CACNA2D2: variants seen among roughly 807,000 people sequenced by gnomAD.
CACNA2D2 encodes voltage-dependent calcium channel subunit alpha-2/delta-2.
Under a neutral mutation model 166.4 loss-of-function variants are expected in CACNA2D2, and 48 were observed. The ratio of observed to expected loss-of-function variants is 0.29; its 90% CI spans 0.23 to 0.37. The LOEUF (loss-of-function observed/expected upper bound fraction) is 0.37. Ranked by LOEUF, CACNA2D2 falls within the 10% of genes least tolerant of loss-of-function variation. CACNA2D2 has a pLI of 1.00. For missense variants in CACNA2D2, 1,122 were observed against 1,433.0 expected (o/e 0.78, Z 3.50); for synonymous variants, 561 against 573.7 (o/e 0.98, Z 0.32).
chr3:50,491,961 T>C (rs904411857), intron 1 of CACNA2D2, among the ~76,000 whole-genome samples: 8 of 152,132 alleles, frequency 5.3e-5, no homozygotes, highest in African/African-American at 1.9e-4. Flanking sequence ...CAGAGAGTAA[T>C]GGGAAGGGCT....
At chr3:50,498,289 CG>C in intron 1 of CACNA2D2, among the ~76,000 whole-genome samples, 1 of 152,218 alleles carries the variant, frequency 6.6e-6, no homozygotes, top group Middle Eastern at 3.4e-3. Flanking sequence ...CCCACCCATC[CG>C]GATGGCATGA....
intron 2 of CACNA2D2, among the ~76,000 whole-genome samples, chr3:50,454,005 C>T (rs972791494): frequency 1.3e-5 from 2 of 152,182 alleles, no homozygotes; most frequent in African/African-American, 2.4e-5. Context: ...CCTCCACACC[C>T]GGGTTCCGGT....
intron 3 of CACNA2D2, among the ~76,000 whole-genome samples, chr3:50,432,341 CGG>C: frequency 6.6e-6 from 1 of 152,218 alleles, no homozygotes; most frequent in Non-Finnish European, 1.5e-5. Context: ...CCTGCTGTGC[CGG>C]CCTGGCTGAG....
intron 2 of CACNA2D2, among the ~76,000 whole-genome samples, chr3:50,468,306 T>C (rs1348756327): frequency 6.6e-6 from 1 of 151,558 alleles, no homozygotes; most frequent in East Asian, 1.9e-4. Flanking sequence ...GAGTTTGAAC[T>C]GATCTCCCGC....
chr3:50,500,033 T>C (rs1698891916), intron 1 of CACNA2D2, among the ~76,000 whole-genome samples: 2 of 151,682 alleles, frequency 1.3e-5, no homozygotes, highest in Non-Finnish European at 1.5e-5. Flanking sequence ...CCCAGATGAG[T>C]GATGCTGCCT....
In CACNA2D2 at chr3:50,365,828, C is replaced by T; in HGVS notation, c.2897G>A (p.Trp966Ter). 6.2e-7 allele frequency: 1 copy of T among 1,613,474 alleles called. No homozygotes were observed. The highest frequency in any genetic ancestry group is 8.5e-7 in the Non-Finnish European group (1 of 1,180,028). ...TVADFLNLAW[W>*]TSAAAWSLFQ... ...GACTCACCAGGCGGCAGCAGAGGTCCACCAGGCCAGGTTAAGGAAATCTGC... is the reference window on the plus strand; with the variant it reads ...GACTCACCAGGCGGCAGCAGAGGTCTACCAGGCCAGGTTAAGGAAATCTGC... The change falls in exon 33 of 38, where the codon TGG becomes TAG. Residue 966 changes from tryptophan (W) to a stop codon, truncating the protein, a stop_gained. Transcript: ENST00000424201. LOFTEE classifies it high-confidence loss of function. This position sits in a 1 kb window ranked among gnomAD's most constrained non-coding sequence, Gnocchi z 4.5.
Position 50,363,223 on chromosome 3 carries a change from T to C in CACNA2D2, c.*1443A>G. 1 of 398,846 alleles carries C rather than the reference T, an allele frequency of 2.5e-6. No individual in the cohort carries two copies. The highest frequency in any genetic ancestry group is 3.6e-5 in the East Asian group (1 of 28,088). 24.7% of individuals were successfully genotyped at this position (398,846 alleles called of 1,614,324 possible). A position where few individuals can be genotyped will look rare whatever the true frequency, so the allele number is the denominator to read the frequency against. ...AGCTGGCATCCAGGCCGGGTGCACA[T>C]GGACACCCACCCTGGCACCAGCAGT... On this transcript the variant is annotated 3_prime_UTR_variant, in exon 38 of 38. Coordinates refer to ENST00000424201, the MANE Select transcript of CACNA2D2 (RefSeq NM_006030.4).
chr3:50,457,273 GAAAC>G (rs375102243), intron 2 of CACNA2D2, among the ~76,000 whole-genome samples: 179 of 150,942 alleles, frequency 1.2e-3, no homozygotes, highest in Middle Eastern at 6.8e-3. Context: ...CAAACAAACA[GAAAC>G]AAACAAACAA....
intron 1 of CACNA2D2, among the ~76,000 whole-genome samples, chr3:50,486,687 T>C (rs1381806776): frequency 6.6e-6 from 1 of 152,174 alleles, no homozygotes; most frequent in African/African-American, 2.4e-5. Context: ...AGGTTTCCCC[T>C]ACCCTCTTCT....
At chr3:50,413,219 T>C (rs557348206) in intron 3 of CACNA2D2, among the ~76,000 whole-genome samples, 9 of 152,006 alleles carry the variant, frequency 5.9e-5, no homozygotes, top group African/African-American at 2.2e-4. Flanking sequence ...GGGAGAGGCC[T>C]GAATCCTGAG....
At position 50,384,198 on chromosome 3, in the gene CACNA2D2, C is replaced by G. The variant is rs1310770896; in HGVS notation, c.650G>C (p.Gly217Ala). Residue 217 changes from glycine to alanine, a missense_variant and splice_region_variant, in exon 6 of 38, where the codon GGC becomes GCC. Physicochemically the swap from Gly to Ala is moderately conservative, Grantham distance 60. Transcript: ENST00000424201. Reference sequence around the variant, plus strand: ...TCCCGATTGCTCTGCACACTCACAGCCTTTGTAGATGTCCGTAGGGATCTG... The same window carrying G: ...TCCCGATTGCTCTGCACACTCACAGGCTTTGTAGATGTCCGTAGGGATCTG... The part of the protein sequence containing the change: ...AVQIPTDIYK[G>A]STVILNELNW... 6.2e-7 allele frequency: 1 copy of G among 1,613,976 alleles called. No homozygotes were observed. The highest frequency in any genetic ancestry group is 1.1e-5 in the South Asian group (1 of 91,066).
chr3:50,382,586 T>C (rs912034138), intron 6 of CACNA2D2, among the ~76,000 whole-genome samples: 2 of 152,254 alleles, frequency 1.3e-5, no homozygotes, highest in Non-Finnish European at 2.9e-5. Context: ...ATTTCAAGCA[T>C]TGGCTCTGCT....
rs1705645243 is a variant in CACNA2D2, at chr3:50,387,049, G to A, written c.510+519C>T. ...TGAGTGACATGGAGGCAGAAGGGTG[G>A]TGTGGCTTTGGGCTCTCTGGTCAGT... On this transcript the variant is annotated intron_variant, in intron 5 of 37. Transcript: ENST00000424201. 2.0e-5 allele frequency among the ~76,000 whole-genome samples: 3 copies of A among 152,190 alleles called. No homozygotes were observed. In the South Asian group the frequency reaches 6.2e-4, roughly 31 times the overall value.
intron 23 of CACNA2D2, among the ~76,000 whole-genome samples, chr3:50,369,586 G>A (rs1305978635): frequency 1.3e-5 from 2 of 152,232 alleles, no homozygotes; most frequent in African/African-American, 4.8e-5. Flanking sequence ...AGTGCCCCTG[G>A]GTCTCTTGTC....
chr3:50,429,592 C>CCAA (rs1707972726), intron 3 of CACNA2D2, among the ~76,000 whole-genome samples: 1 of 52,646 alleles, frequency 1.9e-5, no homozygotes, highest in East Asian at 8.9e-4. Context: ...ACTAAAAATA[C>CCAA]AAAAAAAAAA....
rs747629573 is a variant in CACNA2D2 at position 50,379,532 on chromosome 3, C to T, written c.1052G>A (p.Arg351His). 2.6e-5 allele frequency: 42 copies of T among 1,613,884 alleles called. No homozygotes were observed. The highest frequency in any genetic ancestry group is 3.1e-5 in the Non-Finnish European group (37 of 1,180,052). The part of the protein sequence containing the change: ...CFTHLVQANV[R>H]NKKVFKEAVQ... The stretch of plus-strand genomic sequence containing the variant: ...AGCTTCCTTGAACACCTTCTTGTTG[C>T]GCACATTGGCCTGCACCAGGTGTGT... Residue 351 changes from arginine to histidine, a missense_variant, in exon 11 of 38, where the codon CGC becomes CAC. Arg to His is a conservative substitution (Grantham distance 29, BLOSUM62 0). Coordinates refer to ENST00000424201, the MANE Select transcript of CACNA2D2 (RefSeq NM_006030.4). This position sits in a 1 kb window ranked among gnomAD's most constrained non-coding sequence, Gnocchi z 6.5.
In CACNA2D2 at chr3:50,380,736, T is replaced by C; in HGVS notation, c.842+12A>G. The C allele has an allele frequency of 6.6e-7, 1 of 1,518,844 alleles. No individual in the cohort carries two copies. The highest frequency in any genetic ancestry group is 2.4e-5 in the East Asian group (1 of 41,878). The allele number at this position is 1,518,844 out of a possible 1,614,324, so 94.1% of individuals were successfully genotyped here. ...GGGGGTGTCCCTCCCCAGCCCCTTC[T>C]TGCTCGCTCACCAGGGTCTCCTTCG... On this transcript the variant is annotated intron_variant, in intron 8 of 37. Transcript: ENST00000424201. The surrounding 1 kb of genome is among the most constrained non-coding windows in gnomAD (Gnocchi z 4.9).
intron 22 of CACNA2D2, chr3:50,373,112 C>A: frequency 6.5e-7 from 1 of 1,530,938 alleles, no homozygotes; most frequent in Non-Finnish European, 8.7e-7. Flanking sequence ...AGAGAGAAAG[C>A]GAGGAAAACA....
At chr3:50,446,322 TTGTCCTTATTTTACAGA>T (rs1354439778) in intron 2 of CACNA2D2, among the ~76,000 whole-genome samples, 13 of 152,268 alleles carry the variant, frequency 8.5e-5, no homozygotes, top group South Asian at 4.1e-4. Flanking sequence ...CCAGCCCCAG[TTGTCCTTATTTTACAGA>T]TGTCCTTATT....
Sources: allele counts gnomAD v4.1 joint callset (sites outside exome capture counted in the v4.1 genomes callset), GRCh38; gene constraint gnomAD v4.1.1; non-coding constraint Gnocchi (gnomAD v3.1); transcripts MANE v1.5; gene names NCBI Gene and HGNC (gene_info 2026-07-23, HGNC 2026-07-21).